Variants in POLA1 observed in about 807,000 individuals in gnomAD.
POLA1 encodes DNA polymerase alpha 1, catalytic subunit, also known as DNA polymerase alpha catalytic subunit.
POLA1 carries 15 observed loss-of-function variants against 124.0 expected under a neutral mutation model. The observed-to-expected ratio is 0.12, with a 90% confidence interval of 0.08 to 0.19. The LOEUF (loss-of-function observed/expected upper bound fraction) is 0.19. Ranked by LOEUF, POLA1 falls within the 10% of genes least tolerant of loss-of-function variation. POLA1 has a pLI of 1.00. For missense variants in POLA1, 886 were observed against 1,103.4 expected, an observed-to-expected ratio of 0.80 and a Z score of 2.79; for synonymous variants, 408 against 389.4, an observed-to-expected ratio of 1.05 and a Z score of -0.56.
At chrX:24,968,721 AAG>A (rs1391097346) in intron 36 of POLA1, among the ~76,000 whole-genome samples, 1 of 108,449 alleles carries the variant, frequency 9.2e-6, no homozygotes, top group African/African-American at 3.4e-5. Flanking sequence ...AAAAAAAAAA[AAG>A]AATCCATTGT....
chrX:24,729,765 G>T (rs1198699073), intron 15 of POLA1, among the ~76,000 whole-genome samples: 1 of 107,791 alleles, frequency 9.3e-6, no homozygotes. Flanking sequence ...AGTGTTTTCA[G>T]TATTTTCTGA....
chrX:24,754,274 G>C (rs1602337136), intron 26 of POLA1, among the ~76,000 whole-genome samples: 1 of 108,701 alleles, frequency 9.2e-6, no homozygotes, highest in African/African-American at 3.4e-5. Flanking sequence ...TGGGGGGCAG[G>C]GGGGCAGAGT....
intron 34 of POLA1, among the ~76,000 whole-genome samples, chrX:24,852,081 G>A (rs1009196887): frequency 5.4e-5 from 6 of 112,000 alleles, no homozygotes; most frequent in African/African-American, 1.6e-4. Context: ...GTTACAGATA[G>A]GAATTTCCAG....
intron 34 of POLA1, among the ~76,000 whole-genome samples, chrX:24,871,362 G>A (rs1002326436): frequency 2.7e-5 from 3 of 111,752 alleles, no homozygotes; most frequent in African/African-American, 9.8e-5. Context: ...AAATGATGCT[G>A]ATGTTGCTGA....
At position 24,717,679 on chromosome X, in the gene POLA1, A is replaced by T. The variant is rs763690370; in HGVS notation, c.1008A>T (p.Pro336=). Reference sequence around the variant, plus strand: ...TTCAAGTGGATTCCAGTCACCTCCCATTGGTAAAAGGGGCAGATGAGGAAC... The same window carrying T: ...TTCAAGTGGATTCCAGTCACCTCCCTTTGGTAAAAGGGGCAGATGAGGAAC... ...QEVQVDSSHL[P]LVKGADEEQV... Residue 336 remains proline, a synonymous_variant, in exon 10 of 37, where the codon CCA becomes CCT. Coordinates refer to ENST00000379068, the MANE Select transcript of POLA1 (RefSeq NM_001330360.2). The T allele has an allele frequency of 9.1e-6, 11 of 1,206,458 alleles. No homozygotes were observed. The highest frequency in any genetic ancestry group is 1.2e-5 in the Non-Finnish European group (11 of 890,792).
intron 36 of POLA1, among the ~76,000 whole-genome samples, chrX:24,967,407 C>T (rs902093604): frequency 1.8e-5 from 2 of 110,723 alleles, no homozygotes; most frequent in African/African-American, 3.3e-5. Flanking sequence ...CAGTGGCTCA[C>T]GCTTGTAATC....
At chrX:24,750,005 T>A (rs899510678) in intron 26 of POLA1, among the ~76,000 whole-genome samples, 1 of 112,159 alleles carries the variant, frequency 8.9e-6, no homozygotes, top group Non-Finnish European at 1.9e-5. Flanking sequence ...TTGGGGGGTC[T>A]GTACTCTGAA....
rs544828746 is a variant in POLA1 at position 24,948,271 on chromosome X, C to T, written c.4261+17722C>T. Reference sequence around the variant, plus strand: ...ACAGTTTAGCACATCTTTGTTTTAACCCCAGTTAAAGTATATGTCCAAAAT... The same window carrying T: ...ACAGTTTAGCACATCTTTGTTTTAATCCCAGTTAAAGTATATGTCCAAAAT... On this transcript the variant is annotated intron_variant, in intron 36 of 36. Transcript: ENST00000379068. Among the ~76,000 whole-genome samples, 30 of 111,282 alleles carry T rather than the reference C, an allele frequency of 2.7e-4. No individual in the cohort carries two copies. The South Asian group carries it at 0.011, about 42-fold the overall frequency.
chrX:24,893,833 G>A (rs1185220211), intron 35 of POLA1, among the ~76,000 whole-genome samples: 1 of 111,596 alleles, frequency 9.0e-6, no homozygotes, highest in Non-Finnish European at 1.9e-5. Context: ...CACTTTTAAA[G>A]TTTATTTTTA....
chrX:24,737,204 T>A (rs1271941537), intron 18 of POLA1, among the ~76,000 whole-genome samples: 1 of 112,095 alleles, frequency 8.9e-6, no homozygotes, highest in Non-Finnish European at 1.9e-5. Context: ...CGAAGAAGTC[T>A]TACATAAACT....
intron 36 of POLA1, among the ~76,000 whole-genome samples, chrX:24,980,073 T>A (rs944715517): frequency 2.7e-5 from 3 of 111,271 alleles, no homozygotes; most frequent in African/African-American, 6.5e-5. Context: ...TTCTCTGTTG[T>A]ATGCATTAAT....
Position 24,767,152 on chromosome X carries a change from G to A in POLA1, c.2964+18160G>A, listed in dbSNP as rs145980032. Among the ~76,000 whole-genome samples the A allele has an allele frequency of 6.6e-3, 742 of 112,091 alleles. 12 individuals are homozygous for A. Among genetic ancestry groups the A allele is most frequent in the Middle Eastern group, 0.032 (7 of 217 alleles). Reference sequence around the variant, plus strand: ...CACTTTGGACCTCTATTCTAGTACAGGACATCTCATTTTATCCACTAGTAG... The same window carrying A: ...CACTTTGGACCTCTATTCTAGTACAAGACATCTCATTTTATCCACTAGTAG... On this transcript the variant is annotated intron_variant, in intron 26 of 36. Coordinates refer to ENST00000379068, the MANE Select transcript of POLA1 (RefSeq NM_001330360.2).
intron 36 of POLA1, among the ~76,000 whole-genome samples, chrX:24,943,926 A>G (rs997520827): frequency 1.8e-5 from 2 of 111,826 alleles, no homozygotes; most frequent in Non-Finnish European, 3.8e-5. Flanking sequence ...GGGCACAGCA[A>G]AATCTAAAGA....
intron 36 of POLA1, among the ~76,000 whole-genome samples, chrX:24,946,149 G>A (rs762226093): frequency 9.0e-6 from 1 of 111,234 alleles, no homozygotes; most frequent in South Asian, 3.9e-4. Context: ...TAACCCAAAC[G>A]TGGTACTTAG....
chrX:24,949,753 A>G (rs1288865904), intron 36 of POLA1, among the ~76,000 whole-genome samples: 2 of 88,725 alleles, frequency 2.3e-5, no homozygotes, highest in Non-Finnish European at 4.5e-5. Flanking sequence ...TTTTTTTTTT[A>G]AGACAGAGTC....
chrX:24,937,794 C>T (rs2047870225), intron 36 of POLA1, among the ~76,000 whole-genome samples: 1 of 111,251 alleles, frequency 9.0e-6, no homozygotes, highest in Admixed American at 9.5e-5. Context: ...ATCTAAGACA[C>T]TCTCCCTTAA....
intron 36 of POLA1, 25 bp from the exon 37 acceptor site, chrX:24,995,780 C>T: frequency 1.7e-6 from 2 of 1,175,900 alleles, no homozygotes; most frequent in Non-Finnish European, 2.3e-6. Flanking sequence ...CCTGAGACTT[C>T]TAATCTCTCT....
chrX:24,929,941 C>T (rs936036328), intron 35 of POLA1, among the ~76,000 whole-genome samples: 3 of 111,954 alleles, frequency 2.7e-5, no homozygotes, highest in African/African-American at 9.7e-5. Context: ...CTTAGGATTA[C>T]CACAGAGCAA....
chrX:24,702,129 C>T (rs1378048224), intron 2 of POLA1, among the ~76,000 whole-genome samples: 2 of 101,553 alleles, frequency 2.0e-5, no homozygotes, highest in Admixed American at 1.1e-4. Flanking sequence ...TGCATGATCT[C>T]GGCTCACTGC....
Sources: gnomAD v4.1 joint callset for allele counts (sites outside exome capture counted in the v4.1 genomes callset) on GRCh38, gnomAD v4.1.1 for gene constraint, MANE v1.5 for transcripts, NCBI Gene and HGNC (gene_info 2026-07-23, HGNC 2026-07-21) for gene names.